The following MTBP variants were observed in gnomAD, a reference collection of about 807,000 sequenced individuals.
The protein encoded by MTBP is mdm2-binding protein.
In MTBP, 101 loss-of-function variants were observed where a neutral mutation model predicts 117.0. That is an observed-to-expected ratio of 0.86 (90% CI 0.73 to 1.02). The LOEUF (loss-of-function observed/expected upper bound fraction) is 1.02. MTBP is among the 50% of genes least tolerant of loss of function. MTBP has a pLI of 0.00. For synonymous variants in MTBP, 350 were observed against 351.5 expected (o/e 1.00, Z 0.05); for missense variants, 970 against 1,030.9 (o/e 0.94, Z 0.81).
At chr8:120,507,135 G>C (rs1236515043) in intron 16 of MTBP, among the ~76,000 whole-genome samples, 1 of 151,892 alleles carries the variant, frequency 6.6e-6, no homozygotes, top group African/African-American at 2.4e-5. Context: ...GTATGCAAAG[G>C]ACAATGCTTT....
chr8:120,493,270 A>G (rs1433489122), intron 13 of MTBP, among the ~76,000 whole-genome samples: 17 of 152,150 alleles, frequency 1.1e-4, no homozygotes, highest in Admixed American at 1.1e-3. Flanking sequence ...CTTATATGCA[A>G]ACTCATTTGT....
intron 2 of MTBP, among the ~76,000 whole-genome samples, chr8:120,447,560 A>G (rs1333504629): frequency 1.3e-5 from 2 of 152,048 alleles, no homozygotes; most frequent in African/African-American, 2.4e-5. Flanking sequence ...CTTGTTTTGT[A>G]TGATAGTGTT....
chr8:120,476,184 C>T lies in MTBP; in HGVS notation c.1165+5247C>T, dbSNP rs116160045. Reference sequence around the variant, plus strand: ...AATAATTTTTAGAACTTGGTCTTTTCGGCCTTCGATAAACTTAAACACCCC... The same window carrying T: ...AATAATTTTTAGAACTTGGTCTTTTTGGCCTTCGATAAACTTAAACACCCC... On this transcript the variant is annotated intron_variant, in intron 11 of 21. Transcript: ENST00000305949. 5.2e-3 allele frequency among the ~76,000 whole-genome samples: 787 copies of T among 151,488 alleles called. 8 individuals carry two copies. Among genetic ancestry groups the T allele is most frequent in the African/African-American group, 0.017 (694 of 41,458 alleles).
At position 120,478,123 on chromosome 8, in the gene MTBP, A is replaced by G. The variant is rs535700082; in HGVS notation, c.1165+7186A>G. Among the ~76,000 whole-genome samples, 88 of 152,304 alleles carry G rather than the reference A, an allele frequency of 5.8e-4. 1 individual carries two copies. Among genetic ancestry groups the G allele is most frequent in the African/African-American group, 2.0e-3 (83 of 41,570 alleles). On this transcript the variant is annotated intron_variant, in intron 11 of 21. Coordinates refer to ENST00000305949, the MANE Select transcript of MTBP (RefSeq NM_022045.5). ...TTGCACGGACATGGATGAAGCTGGA[A>G]ACCGTCATTCTCATCAAACTAACAC...
Position 120,522,721 on chromosome 8 carries a change from TAAAG to T in MTBP, c.2676+6_2676+9del. The T allele has an allele frequency of 6.3e-7, 1 of 1,589,726 alleles. No individual in the cohort carries two copies. The highest frequency in any genetic ancestry group is 2.2e-5 in the East Asian group (1 of 44,482). ...ACAGCAAACAACAATGCTGTACAGGTAAAGAAATTATTCCCAAGAAACTATATTC... is the reference window on the plus strand; with the variant it reads ...ACAGCAAACAACAATGCTGTACAGGTAAATTATTCCCAAGAAACTATATTC... On this transcript the variant is annotated splice_donor_5th_base_variant and intron_variant, in intron 21 of 21. Coordinates refer to ENST00000305949, the MANE Select transcript of MTBP (RefSeq NM_022045.5).
intron 11 of MTBP, among the ~76,000 whole-genome samples, chr8:120,481,582 T>C (rs1331748618): frequency 6.6e-6 from 1 of 152,138 alleles, no homozygotes; most frequent in Admixed American, 6.6e-5. Context: ...ATCATATATA[T>C]GAAATTTCTT....
At chr8:120,506,328 G>A (rs1305878397) in intron 15 of MTBP, among the ~76,000 whole-genome samples, 3 of 152,096 alleles carry the variant, frequency 2.0e-5, no homozygotes, top group South Asian at 2.1e-4. Flanking sequence ...TAGTATTGTG[G>A]GGTTTCAGAA....
intron 11 of MTBP, chr8:120,474,049 G>T (rs1586949776): frequency 6.6e-6 from 1 of 151,962 alleles, no homozygotes; most frequent in East Asian, 1.9e-4. Flanking sequence ...ACTTAGGCGT[G>T]GGGGTTTTTT....
At chr8:120,513,433 C>G (rs147246368) in intron 17 of MTBP, among the ~76,000 whole-genome samples, 69 of 152,156 alleles carry the variant, frequency 4.5e-4, no homozygotes, top group African/African-American at 1.5e-3. Context: ...TTTTACTTCA[C>G]TAATATCAAA....
chr8:120,498,279 C>A (rs892274573), intron 14 of MTBP, among the ~76,000 whole-genome samples: 12 of 152,138 alleles, frequency 7.9e-5, no homozygotes, highest in Non-Finnish European at 1.2e-4. Context: ...TGAGTTGATA[C>A]CTGTAAAACA....
Position 120,509,611 on chromosome 8 carries a change from C to A in MTBP, c.1884-323C>A, listed in dbSNP as rs1210063778. On this transcript the variant is annotated intron_variant, in intron 16 of 21. Transcript: ENST00000305949. ...AGTGAGACTCCGTCCCCACCGCCCCCCCAAAAAAAGAAAGAAATAATACTG... is the reference window on the plus strand; with the variant it reads ...AGTGAGACTCCGTCCCCACCGCCCCACCAAAAAAAGAAAGAAATAATACTG... 5.3e-5 allele frequency among the ~76,000 whole-genome samples: 8 copies of A among 151,864 alleles called. No individual in the cohort carries two copies. The East Asian group carries it at 1.4e-3, about 26-fold the overall frequency.
intron 17 of MTBP, among the ~76,000 whole-genome samples, chr8:120,510,825 G>T (rs528547609): frequency 6.6e-6 from 1 of 151,888 alleles, no homozygotes; most frequent in Non-Finnish European, 1.5e-5. Flanking sequence ...CAGGAGGATC[G>T]ATTGATATTG....
At chr8:120,452,928 A>G (rs1016419659) in intron 4 of MTBP, 1 of 152,128 alleles carries the variant, frequency 6.6e-6, no homozygotes, top group Non-Finnish European at 1.5e-5. Flanking sequence ...TAGAGTTTAC[A>G]TAAGATGCCT....
rs13258848 is a variant in MTBP, at chr8:120,517,950, A to G, written c.2346A>G (p.Glu782=). The G allele has an allele frequency of 0.64, 1,033,414 of 1,611,696 alleles. 340,561 individuals carry two copies. The highest frequency in any genetic ancestry group is 0.68 in the Non-Finnish European group (799,249 of 1,178,400). ...TGACATCCAGAAAGCCACAAACAGA[A>G]CGGTCCTTACCAGTGACTTGTCCAT... ...HHVTSRKPQT[E]RSLPVTCPLV... is the part of the protein sequence containing the mutation. The change falls in exon 19 of 22, where the codon GAA becomes GAG. Residue 782 remains glutamate, a synonymous_variant. Transcript: ENST00000305949.
intron 2 of MTBP, among the ~76,000 whole-genome samples, chr8:120,448,938 G>T (rs995164555): frequency 1.3e-5 from 2 of 152,174 alleles, no homozygotes; most frequent in African/African-American, 4.8e-5. Flanking sequence ...AGAGGATTTT[G>T]TAAATAGTGT....
At chr8:120,460,036 T>C (rs987362929) in intron 8 of MTBP, among the ~76,000 whole-genome samples, 6 of 152,080 alleles carry the variant, frequency 3.9e-5, no homozygotes, top group African/African-American at 1.4e-4. Flanking sequence ...AAAGAACTAA[T>C]TTAAGAACAT....
chr8:120,457,326 A>G (rs1019931916), intron 7 of MTBP, among the ~76,000 whole-genome samples: 2 of 152,186 alleles, frequency 1.3e-5, no homozygotes, highest in African/African-American at 4.8e-5. Flanking sequence ...AAGTGTTCAT[A>G]GTAATTTATG....
intron 5 of MTBP, among the ~76,000 whole-genome samples, chr8:120,454,260 A>C (rs1277156510): frequency 5.5e-4 from 84 of 152,022 alleles, no homozygotes; most frequent in Non-Finnish European, 5.9e-5. Context: ...TAAAAAGGAG[A>C]TTATTTAGCC....
At chr8:120,462,977 A>C in intron 9 of MTBP, among the ~76,000 whole-genome samples, 1 of 152,144 alleles carries the variant, frequency 6.6e-6, no homozygotes, top group East Asian at 1.9e-4. Flanking sequence ...GTGTTTTTAC[A>C]TAATATTCAG....
Sources: gnomAD v4.1 joint callset for allele counts (sites outside exome capture counted in the v4.1 genomes callset) on GRCh38, gnomAD v4.1.1 for gene constraint, MANE v1.5 for transcripts, NCBI Gene and HGNC (gene_info 2026-07-23, HGNC 2026-07-21) for gene names.